The following ZHX2 variants were observed in gnomAD, a reference collection of about 807,000 sequenced individuals.
ZHX2 encodes the protein zinc fingers and homeoboxes protein 2.
In ZHX2, 6 loss-of-function variants were observed where a neutral mutation model predicts 21.9. The ratio of observed to expected loss-of-function variants is 0.27; its 90% confidence interval spans 0.15 to 0.54. The LOEUF (loss-of-function observed/expected upper bound fraction) is 0.54. ZHX2 is among the 20% of genes least tolerant of loss of function. The pLI is 0.95. For missense variants in ZHX2, 908 were observed against 1,090.7 expected (o/e 0.83, Z 2.36); for synonymous variants, 434 against 437.1 (o/e 0.99, Z 0.09).
Position 122,935,622 on chromosome 8 carries a change from G to A in ZHX2, c.-219-15670G>A, listed in dbSNP as rs111687620. Among the ~76,000 whole-genome samples the A allele has an allele frequency of 3.1e-3, 463 of 148,058 alleles. 2 individuals carry two copies. The highest frequency in any genetic ancestry group is 0.014 in the Middle Eastern group (4 of 280). ...GCAATCTCGGCTCACTGCAAGCTCCGCCTCCCAAGTTCATGCCATTCTCCT... is the reference window on the plus strand; with the variant it reads ...GCAATCTCGGCTCACTGCAAGCTCCACCTCCCAAGTTCATGCCATTCTCCT... On this transcript the variant is annotated intron_variant, in intron 2 of 3. Coordinates refer to ENST00000314393, the MANE Select transcript of ZHX2 (RefSeq NM_014943.5).
chr8:122,819,075 C>T (rs1332557064), intron 1 of ZHX2, among the ~76,000 whole-genome samples: 2 of 152,208 alleles, frequency 1.3e-5, no homozygotes, highest in African/African-American at 4.8e-5. Context: ...AAGACTCAGC[C>T]TCCATCTGCA....
intron 1 of ZHX2, among the ~76,000 whole-genome samples, chr8:122,785,396 T>G (rs1817375341): frequency 2.0e-5 from 3 of 152,224 alleles, no homozygotes; most frequent in Non-Finnish European, 4.4e-5. Context: ...AGTGGAGGCC[T>G]TTGGCCTTAG....
intron 2 of ZHX2, among the ~76,000 whole-genome samples, chr8:122,937,209 G>A (rs984701596): frequency 1.3e-5 from 2 of 152,252 alleles, no homozygotes; most frequent in African/African-American, 2.4e-5. Context: ...GAGCAATGAA[G>A]AATTAGGAGA....
intron 2 of ZHX2, among the ~76,000 whole-genome samples, chr8:122,903,674 A>T (rs929097471): frequency 9.9e-5 from 15 of 152,202 alleles, no homozygotes; most frequent in African/African-American, 2.2e-4. Flanking sequence ...GACAGTGTAG[A>T]TTCATAAAAG....
chr8:122,828,481 G>C lies in ZHX2; in HGVS notation c.-282-34996G>C, dbSNP rs575417079. Among the ~76,000 whole-genome samples, 1 of 152,322 alleles carries C rather than the reference G, an allele frequency of 6.6e-6. No individual in the cohort carries two copies. Among genetic ancestry groups the C allele is most frequent in the East Asian group, 1.9e-4 (1 of 5,186 alleles). On this transcript the variant is annotated intron_variant, in intron 1 of 3. Coordinates refer to ENST00000314393, the MANE Select transcript of ZHX2 (RefSeq NM_014943.5). The surrounding 1 kb of genome is among the most constrained non-coding windows in gnomAD (Gnocchi z 5.2). ...TAACAGAAGAGAAACCAAAACCCAG[G>C]AAGACAGGGAGAGCTGCGGCCCACG...
intron 1 of ZHX2, among the ~76,000 whole-genome samples, chr8:122,783,393 G>C (rs1304433540): frequency 2.0e-5 from 3 of 152,126 alleles, no homozygotes; most frequent in African/African-American, 7.2e-5. Context: ...CCAGGTCTCA[G>C]GCAGGCCCCG....
intron 2 of ZHX2, among the ~76,000 whole-genome samples, chr8:122,945,784 G>A (rs1055431341): frequency 6.6e-6 from 1 of 152,172 alleles, no homozygotes; most frequent in Non-Finnish European, 1.5e-5. Context: ...ACTTGTTCAG[G>A]CAACCTCCTG....
In ZHX2 at chr8:122,804,243, G is replaced by A. The variant is rs1817780019; in HGVS notation, c.-283+22297G>A. Reference sequence around the variant, plus strand: ...CCTGCCTCAGCCTCCCAAGCAGCTGGGACCACAGGCGTGCACCACTGTGCC... The same window carrying A: ...CCTGCCTCAGCCTCCCAAGCAGCTGAGACCACAGGCGTGCACCACTGTGCC... On this transcript the variant is annotated intron_variant, in intron 1 of 3. Coordinates refer to ENST00000314393, the MANE Select transcript of ZHX2 (RefSeq NM_014943.5). 3.9e-5 allele frequency among the ~76,000 whole-genome samples: 6 copies of A among 152,162 alleles called. No homozygotes were observed. In the South Asian group the frequency reaches 1.2e-3, roughly 32 times the overall value.
At chr8:122,835,915 C>T (rs758383942) in intron 1 of ZHX2, among the ~76,000 whole-genome samples, 1 of 152,012 alleles carries the variant, frequency 6.6e-6, no homozygotes, top group African/African-American at 2.4e-5. Flanking sequence ...GACTGAATTG[C>T]GAAAAAGACA....
At chr8:122,798,872 A>G (rs1486390857) in intron 1 of ZHX2, among the ~76,000 whole-genome samples, 1 of 152,172 alleles carries the variant, frequency 6.6e-6, no homozygotes, top group African/African-American at 2.4e-5. Context: ...TTAACCATCC[A>G]AGCATTTGTT....
At chr8:122,911,029 A>T (rs895445479) in intron 2 of ZHX2, among the ~76,000 whole-genome samples, 1 of 152,184 alleles carries the variant, frequency 6.6e-6, no homozygotes, top group Non-Finnish European at 1.5e-5. Flanking sequence ...AGAAAACAAT[A>T]GGAGGTGTTG....
chr8:122,917,790 C>G (rs948522647), intron 2 of ZHX2, among the ~76,000 whole-genome samples: 1 of 152,148 alleles, frequency 6.6e-6, no homozygotes, highest in South Asian at 2.1e-4. Flanking sequence ...TGTGCCGTGA[C>G]ATGTCTGGAT....
intron 2 of ZHX2, among the ~76,000 whole-genome samples, chr8:122,913,591 C>T (rs547681536): frequency 6.6e-6 from 1 of 152,200 alleles, no homozygotes; most frequent in Non-Finnish European, 1.5e-5. Flanking sequence ...TAGGGAAGTT[C>T]TCCAGCATTT....
At chr8:122,922,145 G>C (rs757144442) in intron 2 of ZHX2, among the ~76,000 whole-genome samples, 1 of 151,914 alleles carries the variant, frequency 6.6e-6, no homozygotes, top group African/African-American at 2.4e-5. Context: ...TTTTAGAACT[G>C]TTTTCCCCAC....
chr8:122,819,766 C>T (rs1296470073), intron 1 of ZHX2, among the ~76,000 whole-genome samples: 1 of 152,242 alleles, frequency 6.6e-6, no homozygotes, highest in Non-Finnish European at 1.5e-5. Context: ...TCAGGCCCTT[C>T]CTTTGCCTCC....
At chr8:122,881,985 A>G (rs1404765728) in intron 2 of ZHX2, among the ~76,000 whole-genome samples, 2 of 152,186 alleles carry the variant, frequency 1.3e-5, no homozygotes, top group African/African-American at 2.4e-5. Flanking sequence ...TTCCAAGAAC[A>G]CTTAATTAAG....
chr8:122,927,693 A>G (rs1378563695), intron 2 of ZHX2, among the ~76,000 whole-genome samples: 1 of 152,168 alleles, frequency 6.6e-6, no homozygotes, highest in Non-Finnish European at 1.5e-5. Context: ...CACTATCACA[A>G]GAATAGAACA....
chr8:122,788,720 G>A, intron 1 of ZHX2, among the ~76,000 whole-genome samples: 1 of 152,230 alleles, frequency 6.6e-6, no homozygotes, highest in East Asian at 1.9e-4. Flanking sequence ...TCTTCTGGAA[G>A]CCTGGCCCAC....
chr8:122,830,616 G>T (rs1219076552), intron 1 of ZHX2, among the ~76,000 whole-genome samples: 10 of 152,178 alleles, frequency 6.6e-5, no homozygotes. Flanking sequence ...CGCCTGCATT[G>T]TCTGGAAATA....
Sources: gnomAD v4.1 joint callset for allele counts (sites outside exome capture counted in the v4.1 genomes callset) on GRCh38, gnomAD v4.1.1 for gene constraint, Gnocchi (gnomAD v3.1) non-coding constraint, MANE v1.5 for transcripts, NCBI Gene and HGNC (gene_info 2026-07-23, HGNC 2026-07-21) for gene names.